COL24A1: variants seen among roughly 807,000 people sequenced by gnomAD.
COL24A1 encodes the protein collagen alpha-1(XXIV) chain.
COL24A1 carries 224 observed loss-of-function variants against 253.9 expected under a neutral mutation model. That is an observed-to-expected ratio of 0.88 (90% CI 0.79 to 0.99). The LOEUF (loss-of-function observed/expected upper bound fraction) is 0.99. Among genes scored for constraint, COL24A1 ranks in the 50% least tolerant of loss-of-function variants. The pLI is 0.00. For synonymous variants in COL24A1, 685 were observed against 673.7 expected (o/e 1.02, Z -0.26); for missense variants, 2,131 against 2,068.5 (o/e 1.03, Z -0.59).
chr1:85,825,169 C>A (rs191739293), intron 43 of COL24A1, among the ~76,000 whole-genome samples: 2 of 148,940 alleles, frequency 1.3e-5, no homozygotes, highest in African/African-American at 4.9e-5. Flanking sequence ...TGAGAATATG[C>A]GGTGTTTGGT....
intron 2 of COL24A1, among the ~76,000 whole-genome samples, chr1:86,135,058 G>A (rs1649995591): frequency 1.3e-5 from 2 of 151,916 alleles, no homozygotes; most frequent in African/African-American, 4.8e-5. Flanking sequence ...GTATATTTAG[G>A]AGAGTTAGCT....
At chr1:85,794,083 T>C (rs193398) in intron 47 of COL24A1, among the ~76,000 whole-genome samples, 112,916 of 152,068 alleles carry the variant, frequency 0.74, 44,654 homozygotes, top group Non-Finnish European at 0.89. Flanking sequence ...GTTATAGATG[T>C]AGATCGTGTG....
intron 37 of COL24A1, among the ~76,000 whole-genome samples, chr1:85,864,293 C>T (rs1484481784): frequency 2.0e-5 from 3 of 151,226 alleles, no homozygotes; most frequent in African/African-American, 4.9e-5. Context: ...AGCAAACTAT[C>T]GCAAGGACAA....
intron 24 of COL24A1, among the ~76,000 whole-genome samples, chr1:85,921,107 G>A (rs919687956): frequency 2.6e-5 from 4 of 152,184 alleles, no homozygotes; most frequent in African/African-American, 4.8e-5. Context: ...AGCCCATGGA[G>A]GGTGAACCAA....
intron 24 of COL24A1, among the ~76,000 whole-genome samples, chr1:85,922,994 C>A (rs1476521484): frequency 2.7e-5 from 4 of 150,342 alleles, no homozygotes; most frequent in Non-Finnish European, 3.0e-5. Flanking sequence ...AAATGGAGAA[C>A]AAAAAAAAAA....
intron 10 of COL24A1, among the ~76,000 whole-genome samples, chr1:86,051,364 T>C (rs901380899): frequency 5.9e-5 from 9 of 152,016 alleles, no homozygotes; most frequent in Non-Finnish European, 1.3e-4. Context: ...AAATAGACAA[T>C]GGGAACTTTG....
chr1:86,080,350 G>A (rs1226881821), intron 7 of COL24A1, among the ~76,000 whole-genome samples: 1 of 152,014 alleles, frequency 6.6e-6, no homozygotes, highest in Admixed American at 6.6e-5. Context: ...TACAAAGAAT[G>A]AATAAAACCT....
intron 14 of COL24A1, among the ~76,000 whole-genome samples, chr1:86,029,398 G>C (rs1196571532): frequency 2.0e-5 from 3 of 152,136 alleles, no homozygotes; most frequent in Non-Finnish European, 4.4e-5. Context: ...GTAAACAAAT[G>C]TGAGGTGCCC....
intron 35 of COL24A1, among the ~76,000 whole-genome samples, chr1:85,870,910 CTGG>C (rs1680392862): frequency 6.6e-6 from 1 of 152,050 alleles, no homozygotes; most frequent in African/African-American, 2.4e-5. Flanking sequence ...AATCCAAGAG[CTGG>C]TGTTTTGAAA....
intron 19 of COL24A1, among the ~76,000 whole-genome samples, chr1:86,000,891 G>A (rs1444038137): frequency 6.6e-6 from 1 of 152,182 alleles, no homozygotes. Context: ...CAACCATCCT[G>A]CTACCATATA....
chr1:86,056,835 C>A (rs1700701083), intron 10 of COL24A1, among the ~76,000 whole-genome samples: 1 of 147,644 alleles, frequency 6.8e-6, no homozygotes, highest in Admixed American at 6.8e-5. Flanking sequence ...GCCTGGGCAA[C>A]AGAGTAAGAC....
chr1:85,866,313 A>G (rs1188880879), intron 37 of COL24A1, among the ~76,000 whole-genome samples: 1 of 152,212 alleles, frequency 6.6e-6, no homozygotes, highest in Non-Finnish European at 1.5e-5. Context: ...GTAAATAAAT[A>G]AAGCAGTGCC....
intron 28 of COL24A1, among the ~76,000 whole-genome samples, chr1:85,900,913 T>C (rs914364142): frequency 6.6e-6 from 1 of 152,126 alleles, no homozygotes; most frequent in Non-Finnish European, 1.5e-5. Flanking sequence ...CAACCCAAAA[T>C]GTATTAAAGA....
intron 2 of COL24A1, among the ~76,000 whole-genome samples, chr1:86,137,958 T>C (rs1386090778): frequency 2.0e-5 from 3 of 152,164 alleles, no homozygotes; most frequent in Non-Finnish European, 4.4e-5. Flanking sequence ...TTCCATGGTA[T>C]AAGACACCTA....
chr1:86,044,941 C>A (rs572738115), intron 12 of COL24A1, among the ~76,000 whole-genome samples: 40 of 152,172 alleles, frequency 2.6e-4, no homozygotes, highest in African/African-American at 9.2e-4. Context: ...TCCACCAATG[C>A]AGATTAGTTA....
At chr1:85,797,477 T>C (rs1358669311) in intron 47 of COL24A1, among the ~76,000 whole-genome samples, 2 of 152,146 alleles carry the variant, frequency 1.3e-5, no homozygotes, top group Admixed American at 1.3e-4. Flanking sequence ...TGGAAGAGCT[T>C]TCTAAGCAGT....
rs1830866 is a variant in COL24A1 at position 85,969,510 on chromosome 1, C to A, written c.2463+717G>T. On this transcript the variant is annotated intron_variant, in intron 22 of 59. Transcript: ENST00000370571. ...ATTCTAGCTACTCGGGAGGCTGAGG[C>A]AGGAGAATTGCTTGAACCCAGGAGG... 3.1e-3 allele frequency among the ~76,000 whole-genome samples: 438 copies of A among 140,566 alleles called. 7 individuals are homozygous for A. In the East Asian group the frequency reaches 0.067, roughly 22 times the overall value. 92.2% of individuals were successfully genotyped at this position (140,566 alleles called of 152,430 possible).
chr1:85,855,805 T>C (rs1322744462), intron 37 of COL24A1, among the ~76,000 whole-genome samples: 1 of 152,202 alleles, frequency 6.6e-6, no homozygotes, highest in Non-Finnish European at 1.5e-5. Flanking sequence ...TGGTAGATTA[T>C]GGCTGTCAAT....
intron 53 of COL24A1, among the ~76,000 whole-genome samples, chr1:85,764,691 G>A (rs780734445): frequency 6.6e-6 from 1 of 152,010 alleles, no homozygotes; most frequent in Non-Finnish European, 1.5e-5. Context: ...AATATAATAG[G>A]TCTAGTGAAG....
Sources: gnomAD v4.1 joint callset for allele counts (sites outside exome capture counted in the v4.1 genomes callset) on GRCh38, gnomAD v4.1.1 for gene constraint, MANE v1.5 for transcripts, NCBI Gene and HGNC (gene_info 2026-07-23, HGNC 2026-07-21) for gene names.